Variants in COLEC10 observed in about 807,000 individuals in gnomAD.
COLEC10 encodes the protein collectin-10.
A neutral mutation model predicts 28.4 loss-of-function variants in COLEC10; 22 were observed. The ratio of observed to expected loss-of-function variants is 0.78; its 90% CI spans 0.55 to 1.11. The LOEUF is 1.11. COLEC10 is among the 50% of genes least tolerant of loss of function. The pLI is 0.00. For synonymous variants in COLEC10, 125 were observed against 116.1 expected (o/e 1.08, Z -0.49); for missense variants, 361 against 344.1 (o/e 1.05, Z -0.39).
the COLEC10 span, among the ~76,000 whole-genome samples, chr8:118,986,404 A>G: frequency 1.3e-5 from 2 of 152,306 alleles, no homozygotes; most frequent in African/African-American, 4.8e-5. Context: ...AAAGAGAACA[A>G]TGTGATTGAA....
chr8:119,040,841 G>T (rs1392913198), intron 2 of COLEC10, among the ~76,000 whole-genome samples: 2 of 152,188 alleles, frequency 1.3e-5, no homozygotes, highest in Non-Finnish European at 2.9e-5. Context: ...CACAGGGTTA[G>T]TGTAGTGGGA....
At chr8:119,054,107 G>A (rs1814724270) in intron 2 of COLEC10, among the ~76,000 whole-genome samples, 1 of 152,094 alleles carries the variant, frequency 6.6e-6, no homozygotes, top group Admixed American at 6.6e-5. Flanking sequence ...TGACTACTAA[G>A]TGACTAACGA....
chr8:119,070,793 A>C (rs146641217), intron 1 of COLEC10, among the ~76,000 whole-genome samples: 2 of 152,306 alleles, frequency 1.3e-5, no homozygotes, highest in Admixed American at 1.3e-4. Context: ...AGTTTTAAAC[A>C]AAACATGTTA....
In COLEC10 at chr8:119,103,907, C is replaced by G; in HGVS notation, c.442+12C>G. 16 of 1,531,378 alleles carry G rather than the reference C, an allele frequency of 1.0e-5. No homozygotes were observed. Among genetic ancestry groups the G allele is most frequent in the Non-Finnish European group, 1.4e-5 (16 of 1,105,488 alleles). 94.9% of individuals were successfully genotyped at this position (1,531,378 alleles called of 1,614,324 possible). A position where few individuals can be genotyped will look rare whatever the true frequency, so the allele number is the denominator to read the frequency against. On this transcript the variant is annotated intron_variant, in intron 5 of 5. Transcript: ENST00000332843. ...GTTTGTCAAGAATGGTGAGCATATT[C>G]TCTTTTGTGTTATGTATCTATTGAT... is the stretch of plus-strand genomic sequence containing the variant.
intron 3 of COLEC10, among the ~76,000 whole-genome samples, chr8:119,100,068 C>T (rs930082353): frequency 1.3e-5 from 2 of 152,164 alleles, no homozygotes; most frequent in African/African-American, 2.4e-5. Context: ...AACCCATAAT[C>T]ATACAATCTT....
intron 2 of COLEC10, among the ~76,000 whole-genome samples, chr8:119,090,071 A>G (rs565723253): frequency 2.8e-5 from 4 of 143,536 alleles, no homozygotes; most frequent in Non-Finnish European, 6.1e-5. Context: ...TCTCCCTTCT[A>G]AAGCCACTGC....
intron 3 of COLEC10, among the ~76,000 whole-genome samples, chr8:119,093,596 G>T (rs1431888587): frequency 6.6e-6 from 1 of 152,108 alleles, no homozygotes; most frequent in Non-Finnish European, 1.5e-5. Context: ...CATATACCTC[G>T]ATAAAATTTG....
At chr8:119,073,748 G>T (rs572102590) in intron 1 of COLEC10, among the ~76,000 whole-genome samples, 1 of 151,870 alleles carries the variant, frequency 6.6e-6, no homozygotes, top group South Asian at 2.1e-4. Context: ...GATAAAAAAT[G>T]ATTTGTTTCA....
chr8:119,053,071 C>T (rs1467298414), intron 2 of COLEC10, among the ~76,000 whole-genome samples: 1 of 152,070 alleles, frequency 6.6e-6, no homozygotes, highest in Non-Finnish European at 1.5e-5. Flanking sequence ...AGGAATGCCT[C>T]CTACTCAATT....
At chr8:119,099,010 C>G (rs1307421110) in intron 3 of COLEC10, among the ~76,000 whole-genome samples, 1 of 151,932 alleles carries the variant, frequency 6.6e-6, no homozygotes, top group Admixed American at 6.6e-5. Context: ...TCCTGGATGT[C>G]AATATTTCAT....
the COLEC10 span, among the ~76,000 whole-genome samples, chr8:118,985,256 G>A: frequency 1.3e-5 from 2 of 152,202 alleles, no homozygotes; most frequent in South Asian, 4.1e-4. Context: ...GAATATGGTA[G>A]TCATTTGATA....
intron 2 of COLEC10, among the ~76,000 whole-genome samples, chr8:119,021,979 C>A (rs1273245253): frequency 6.6e-6 from 1 of 152,080 alleles, no homozygotes; most frequent in African/African-American, 2.4e-5. Flanking sequence ...ATAATTATTA[C>A]CCATAAAGCT....
chr8:119,055,863 CT>C (rs1393910614), intron 2 of COLEC10, among the ~76,000 whole-genome samples: 1 of 151,664 alleles, frequency 6.6e-6, no homozygotes, highest in Non-Finnish European at 1.5e-5. Flanking sequence ...TTTTTTTCTT[CT>C]CAGTTTCTAT....
At chr8:118,981,996 C>CTT in the COLEC10 span, among the ~76,000 whole-genome samples, 2,337 of 147,580 alleles carry the variant, frequency 0.016, 60 homozygotes, top group African/African-American at 0.054. Context: ...ATCACCCCTA[C>CTT]TTTTTTTTTT....
chr8:119,102,225 TC>T, intron 3 of COLEC10, 122 bp from the exon 4 acceptor site: 2 of 171,442 alleles, frequency 1.2e-5, no homozygotes, highest in South Asian at 5.9e-5. Flanking sequence ...CCTCCCTCCC[TC>T]CCTCCCTCCC....
intron 2 of COLEC10, among the ~76,000 whole-genome samples, chr8:119,059,642 G>A (rs1814819258): frequency 1.3e-5 from 2 of 152,048 alleles, no homozygotes; most frequent in South Asian, 4.1e-4. Context: ...TCCCTGTGCT[G>A]ATAAAACTGC....
chr8:119,069,622 AAAAAAAAATATATATATATAT>A (rs1321910300), intron 1 of COLEC10, among the ~76,000 whole-genome samples: 2 of 71,120 alleles, frequency 2.8e-5, no homozygotes, highest in African/African-American at 1.3e-4. Flanking sequence ...AAAAAAAAAA[AAAAAAAAATATATATATATAT>A]ATATATATAT....
At chr8:119,071,667 A>G (rs1317854811) in intron 1 of COLEC10, among the ~76,000 whole-genome samples, 1 of 152,164 alleles carries the variant, frequency 6.6e-6, no homozygotes, top group Non-Finnish European at 1.5e-5. Flanking sequence ...GTATTGATGC[A>G]TGTAGAATCA....
the COLEC10 span, among the ~76,000 whole-genome samples, chr8:118,958,022 A>G: frequency 6.6e-6 from 1 of 152,254 alleles, no homozygotes; most frequent in Non-Finnish European, 1.5e-5. Flanking sequence ...TTTGAAATAA[A>G]TTACAGATAG....
Sources: gnomAD v4.1 joint callset for allele counts (sites outside exome capture counted in the v4.1 genomes callset) on GRCh38, gnomAD v4.1.1 for gene constraint, MANE v1.5 for transcripts, NCBI Gene and HGNC (gene_info 2026-07-23, HGNC 2026-07-21) for gene names.